Variants in ADAMTS6 observed in about 807,000 individuals in gnomAD.
ADAMTS6 encodes ADAM metallopeptidase with thrombospondin type 1 motif 6.
A neutral mutation model predicts 144.3 loss-of-function variants in ADAMTS6; 23 were observed. That is an observed-to-expected ratio of 0.16 (90% CI 0.11 to 0.23). The LOEUF is 0.23. Ranked by LOEUF, ADAMTS6 falls within the 10% of genes least tolerant of loss-of-function variation. ADAMTS6 has a pLI of 1.00. For missense variants in ADAMTS6, 999 were observed against 1,379.6 expected, an observed-to-expected ratio of 0.72 and a Z score of 4.37; for synonymous variants, 444 against 457.5, an observed-to-expected ratio of 0.97 and a Z score of 0.38.
At chr5:65,392,788 T>TA (rs1182572440) in intron 7 of ADAMTS6, among the ~76,000 whole-genome samples, 2 of 152,166 alleles carry the variant, frequency 1.3e-5, no homozygotes, top group African/African-American at 4.8e-5. Context: ...TGATTTAAAA[T>TA]AAAAAATCTC....
rs193137892 is a variant in ADAMTS6 at position 65,316,163 on chromosome 5, C to T, written c.1223+13215G>A. ...CTGAGCTCAGGCAATCCGCCCACCT[C>T]GGCTTCCCAAAGTGCTAGGATTATA... On this transcript the variant is annotated intron_variant, in intron 9 of 24. Transcript: ENST00000381055. Among the ~76,000 whole-genome samples the T allele has an allele frequency of 2.0e-3, 310 of 152,236 alleles. 1 individual carries two copies. Among genetic ancestry groups the T allele is most frequent in the Non-Finnish European group, 2.5e-3 (170 of 68,018 alleles).
intron 22 of ADAMTS6, among the ~76,000 whole-genome samples, chr5:65,181,915 A>T (rs2082599174): frequency 1.3e-5 from 2 of 152,222 alleles, no homozygotes. Flanking sequence ...ATGTGTATGC[A>T]TATTAAAGTC....
At chr5:65,296,948 G>GT (rs1742900162) in intron 10 of ADAMTS6, among the ~76,000 whole-genome samples, 1 of 151,952 alleles carries the variant, frequency 6.6e-6, no homozygotes, top group South Asian at 2.1e-4. Flanking sequence ...GGTGGAAAAT[G>GT]TATGAAAAAC....
In ADAMTS6 at chr5:65,149,686, A is replaced by G. The variant is rs1320961648; in HGVS notation, c.*2150T>C. 2 of 152,686 alleles carry G rather than the reference A, an allele frequency of 1.3e-5. No individual in the cohort carries two copies. The highest frequency in any genetic ancestry group is 2.4e-5 in the African/African-American group (1 of 41,460). 9.5% of individuals were successfully genotyped at this position (152,686 alleles called of 1,614,324 possible). A position where few individuals can be genotyped will look rare whatever the true frequency, so the allele number is the denominator to read the frequency against. On this transcript the variant is annotated 3_prime_UTR_variant, in exon 25 of 25. Transcript: ENST00000381055. ...TTATGTTGGAGAAAATCAGATCTGG[A>G]TTGCAAACCTATGCCTAAAATGCCA...
intron 22 of ADAMTS6, among the ~76,000 whole-genome samples, chr5:65,182,464 AGAAG>A (rs1347143335): frequency 6.7e-6 from 1 of 149,714 alleles, no homozygotes; most frequent in Non-Finnish European, 1.5e-5. Flanking sequence ...AAAAAAAAAA[AGAAG>A]GATGAGAAGA....
At chr5:65,175,095 G>A (rs1157820665) in intron 22 of ADAMTS6, among the ~76,000 whole-genome samples, 1 of 152,052 alleles carries the variant, frequency 6.6e-6, no homozygotes, top group Non-Finnish European at 1.5e-5. Context: ...CTTGGTTACA[G>A]CTGGTTTTAG....
chr5:65,436,833 C>T (rs1006031361), intron 7 of ADAMTS6, among the ~76,000 whole-genome samples: 2 of 149,096 alleles, frequency 1.3e-5, no homozygotes, highest in African/African-American at 5.0e-5. Context: ...ACTCCAGCCT[C>T]GATTACAGAG....
At chr5:65,449,527 A>T (rs1157492647) in intron 7 of ADAMTS6, among the ~76,000 whole-genome samples, 1 of 152,100 alleles carries the variant, frequency 6.6e-6, no homozygotes, top group Admixed American at 6.5e-5. Flanking sequence ...GAGGCAGGAG[A>T]ATCACTTGAA....
chr5:65,358,189 T>C (rs946601694), intron 7 of ADAMTS6, among the ~76,000 whole-genome samples: 1 of 151,848 alleles, frequency 6.6e-6, no homozygotes, highest in Non-Finnish European at 1.5e-5. Context: ...ATGTGATACA[T>C]CACATTAACA....
intron 11 of ADAMTS6, among the ~76,000 whole-genome samples, chr5:65,285,884 AAC>A (rs1763325021): frequency 6.6e-6 from 1 of 152,226 alleles, no homozygotes; most frequent in Non-Finnish European, 1.5e-5. Flanking sequence ...TATAATGTGA[AAC>A]AGAGTAACTG....
intron 7 of ADAMTS6, among the ~76,000 whole-genome samples, chr5:65,402,215 C>G (rs140737738): frequency 6.3e-4 from 96 of 152,188 alleles, no homozygotes; most frequent in African/African-American, 2.1e-3. Context: ...TTCTTACCAC[C>G]TTCTTGCATC....
chr5:65,288,644 C>T (rs1392925619), intron 11 of ADAMTS6, among the ~76,000 whole-genome samples: 1 of 152,042 alleles, frequency 6.6e-6, no homozygotes, highest in Non-Finnish European at 1.5e-5. Flanking sequence ...AAAATCTTTC[C>T]TGACATCATG....
At chr5:65,171,827 C>T (rs905224137) in intron 23 of ADAMTS6, among the ~76,000 whole-genome samples, 1 of 152,090 alleles carries the variant, frequency 6.6e-6, no homozygotes, top group Non-Finnish European at 1.5e-5. Flanking sequence ...TGCATCTACT[C>T]TGGGATTCAG....
In ADAMTS6 at chr5:65,150,768, G is replaced by A. The variant is rs936898585; in HGVS notation, c.*1068C>T. On this transcript the variant is annotated 3_prime_UTR_variant, in exon 25 of 25. Transcript: ENST00000381055. Reference sequence around the variant, plus strand: ...TACCATATCAAAGAAGGGACATCTGGAACTCATCGTAATTGTCAACAAACT... The same window carrying A: ...TACCATATCAAAGAAGGGACATCTGAAACTCATCGTAATTGTCAACAAACT... 2.6e-5 allele frequency: 4 copies of A among 152,596 alleles called. No homozygotes were observed. Among genetic ancestry groups the A allele is most frequent in the African/African-American group, 7.2e-5 (3 of 41,414 alleles). The allele number at this position is 152,596 out of a possible 1,614,324, so 9.5% of individuals were successfully genotyped here.
rs149153202 is a variant in ADAMTS6 at position 65,223,154 on chromosome 5, T to C, written c.2272+1166A>G. Among the ~76,000 whole-genome samples the C allele has an allele frequency of 3.2e-4, 48 of 152,216 alleles. No homozygotes were observed. The East Asian group carries it at 9.3e-3, about 29-fold the overall frequency. ...ACTGATAGAAATATAAAATAATACA[T>C]CCATTTTGGGAAATATTTTCATACT... On this transcript the variant is annotated intron_variant, in intron 18 of 24. Coordinates refer to ENST00000381055, the MANE Select transcript of ADAMTS6 (RefSeq NM_197941.4).
intron 9 of ADAMTS6, among the ~76,000 whole-genome samples, chr5:65,325,956 T>G (rs1746124744): frequency 6.6e-6 from 1 of 152,192 alleles, no homozygotes; most frequent in African/African-American, 2.4e-5. Flanking sequence ...CATAATGAAC[T>G]GCCATAAACA....
intron 9 of ADAMTS6, among the ~76,000 whole-genome samples, chr5:65,328,249 A>G (rs534788031): frequency 5.3e-4 from 81 of 152,198 alleles, no homozygotes; most frequent in Non-Finnish European, 6.6e-4. Context: ...TTCAACAACA[A>G]CAAAAAAGCT....
chr5:65,220,212 T>C (rs761788163), intron 18 of ADAMTS6, among the ~76,000 whole-genome samples: 4 of 152,114 alleles, frequency 2.6e-5, no homozygotes, highest in Non-Finnish European at 5.9e-5. Flanking sequence ...AACACCAAAA[T>C]ATTTGGAAAT....
At chr5:65,324,161 G>T (rs1053896666) in intron 9 of ADAMTS6, among the ~76,000 whole-genome samples, 2 of 152,094 alleles carry the variant, frequency 1.3e-5, no homozygotes, top group African/African-American at 2.4e-5. Flanking sequence ...TGTTGCCATT[G>T]CTTTTGGTGT....
Sources: gnomAD v4.1 joint callset for allele counts (sites outside exome capture counted in the v4.1 genomes callset) on GRCh38, gnomAD v4.1.1 for gene constraint, MANE v1.5 for transcripts, NCBI Gene and HGNC (gene_info 2026-07-23, HGNC 2026-07-21) for gene names.